Variants in PRKN observed in about 807,000 individuals in gnomAD.
The protein encoded by PRKN is parkin RBR E3 ubiquitin protein ligase.
In PRKN, 56 loss-of-function variants were observed where a neutral mutation model predicts 59.5. The ratio of observed to expected loss-of-function variants is 0.94; its 90% CI spans 0.76 to 1.18. PRKN has a LOEUF of 1.18. Ranked by LOEUF, PRKN falls within the 50% of genes most tolerant of loss-of-function variation. The pLI, the probability that PRKN is intolerant of heterozygous loss-of-function variation, is 0.00. For missense variants in PRKN, 657 were observed against 596.4 expected (o/e 1.10, Z -1.06); for synonymous variants, 250 against 222.1 (o/e 1.13, Z -1.12).
At chr6:162,155,545 T>C (rs1782476944) in intron 4 of PRKN, among the ~76,000 whole-genome samples, 2 of 152,066 alleles carry the variant, frequency 1.3e-5, no homozygotes, top group Admixed American at 1.3e-4. Flanking sequence ...GAACTAACAC[T>C]GAATTTCAGC....
intron 10 of PRKN, among the ~76,000 whole-genome samples, chr6:161,381,811 A>C (rs1460252500): frequency 1.3e-5 from 2 of 152,088 alleles, no homozygotes; most frequent in African/African-American, 4.8e-5. Context: ...ACCCTCCACT[A>C]ACAAAGCCCA....
chr6:162,616,347 T>C (rs1782415522), intron 1 of PRKN, among the ~76,000 whole-genome samples: 1 of 152,102 alleles, frequency 6.6e-6, no homozygotes. Flanking sequence ...TGGCACACAA[T>C]ATTAAGTCAA....
At chr6:162,554,841 AAC>A (rs1242848068) in intron 1 of PRKN, among the ~76,000 whole-genome samples, 6 of 152,186 alleles carry the variant, frequency 3.9e-5, no homozygotes, top group African/African-American at 1.4e-4. Context: ...CTGAGAATTT[AAC>A]AATGGGGTTT....
At chr6:162,397,672 C>T (rs758084530) in intron 2 of PRKN, among the ~76,000 whole-genome samples, 5 of 152,090 alleles carry the variant, frequency 3.3e-5, no homozygotes, top group African/African-American at 9.7e-5. Context: ...GCACTGTCAC[C>T]GCTGACATTG....
intron 1 of PRKN, among the ~76,000 whole-genome samples, chr6:162,618,825 T>G (rs1174431354): frequency 2.6e-5 from 4 of 152,184 alleles, no homozygotes; most frequent in Non-Finnish European, 5.9e-5. Flanking sequence ...ATTACATGTG[T>G]AGAGAAAAAC....
At chr6:161,925,803 A>G (rs1778948304) in intron 6 of PRKN, among the ~76,000 whole-genome samples, 1 of 152,112 alleles carries the variant, frequency 6.6e-6, no homozygotes, top group Admixed American at 6.6e-5. Flanking sequence ...CAAACAAACA[A>G]ACAACATGGA....
intron 1 of PRKN, among the ~76,000 whole-genome samples, chr6:162,700,593 G>A (rs891674115): frequency 2.6e-5 from 4 of 152,090 alleles, no homozygotes; most frequent in African/African-American, 4.8e-5. Context: ...AGAATTCAGT[G>A]ACATGATTCA....
chr6:161,839,779 C>T (rs1183861722), intron 6 of PRKN, among the ~76,000 whole-genome samples: 1 of 152,204 alleles, frequency 6.6e-6, no homozygotes, highest in East Asian at 1.9e-4. Context: ...CACTGATCTT[C>T]ACTCCTCAGG....
At chr6:162,099,250 G>A (rs943023798) in intron 4 of PRKN, among the ~76,000 whole-genome samples, 4 of 152,166 alleles carry the variant, frequency 2.6e-5, no homozygotes, top group African/African-American at 9.7e-5. Flanking sequence ...AAGACCTGGT[G>A]ACCTTGACCA....
chr6:162,535,030 GT>G (rs1191748784), intron 1 of PRKN, among the ~76,000 whole-genome samples: 1 of 151,860 alleles, frequency 6.6e-6, no homozygotes, highest in Non-Finnish European at 1.5e-5. Flanking sequence ...TCCATCCCCA[GT>G]CCTCTTCCAT....
chr6:162,093,310 T>C (rs550514287), intron 4 of PRKN, among the ~76,000 whole-genome samples: 4 of 152,348 alleles, frequency 2.6e-5, no homozygotes, highest in African/African-American at 9.6e-5. Context: ...CTGCACTTCC[T>C]CTTCCTTGCC....
At position 161,396,671 on chromosome 6, in the gene PRKN, T is replaced by C. The variant is rs1786774136; in HGVS notation, c.1084-9794A>G. On this transcript the variant is annotated intron_variant, in intron 9 of 11. Coordinates refer to ENST00000366898, the MANE Select transcript of PRKN (RefSeq NM_004562.3). The surrounding 1 kb of genome is among the most constrained non-coding windows in gnomAD (Gnocchi z 5.4). ...ATCTGCAGCAAGGCACTAGACTCTGTAGAAATGATTACGCTACGCCAGTAA... is the reference window on the plus strand; with the variant it reads ...ATCTGCAGCAAGGCACTAGACTCTGCAGAAATGATTACGCTACGCCAGTAA... Among the ~76,000 whole-genome samples the C allele has an allele frequency of 6.6e-6, 1 of 152,176 alleles. No homozygotes were observed. The highest frequency in any genetic ancestry group is 2.1e-4 in the South Asian group (1 of 4,826).
chr6:162,484,344 T>A (rs1792447545), intron 1 of PRKN, among the ~76,000 whole-genome samples: 1 of 152,032 alleles, frequency 6.6e-6, no homozygotes, highest in African/African-American at 2.4e-5. Context: ...TCAGGAATGG[T>A]GGTAGCAAAA....
rs1393711115 is a variant in PRKN at position 161,562,873 on chromosome 6, G to T, written c.933+6482C>A. On this transcript the variant is annotated intron_variant, in intron 8 of 11. Transcript: ENST00000366898. This position sits in a 1 kb window ranked among gnomAD's most constrained non-coding sequence, Gnocchi z 4.3. ...ATACTCAAAATGTAATTTGGATAAT[G>T]CTAACCCCTTGCTTAAACCTTCAAG... Among the ~76,000 whole-genome samples, 1 of 152,162 alleles carries T rather than the reference G, an allele frequency of 6.6e-6. No homozygotes were observed. The highest frequency in any genetic ancestry group is 1.5e-5 in the Non-Finnish European group (1 of 68,022).
chr6:162,425,816 G>A (rs1217547976), intron 2 of PRKN, among the ~76,000 whole-genome samples: 1 of 152,134 alleles, frequency 6.6e-6, no homozygotes, highest in Non-Finnish European at 1.5e-5. Flanking sequence ...AGGAAGAGAA[G>A]CAATATTTGA....
chr6:161,575,469 C>T lies in PRKN; in HGVS notation c.872-6053G>A, dbSNP rs981484686. ...AGCCATAATGTTTTCAGAAAGCTTT[C>T]GGTGAATTTCCTCAACAATCATGCT... is the stretch of plus-strand genomic sequence containing the variant. On this transcript the variant is annotated intron_variant, in intron 7 of 11. Transcript: ENST00000366898. The surrounding 1 kb of genome is among the most constrained non-coding windows in gnomAD (Gnocchi z 4.6). Among the ~76,000 whole-genome samples, 1 of 152,154 alleles carries T rather than the reference C, an allele frequency of 6.6e-6. No individual in the cohort carries two copies. Among genetic ancestry groups the T allele is most frequent in the Non-Finnish European group, 1.5e-5 (1 of 68,026 alleles).
At chr6:162,069,082 T>TA (rs1459398624) in intron 4 of PRKN, among the ~76,000 whole-genome samples, 1 of 152,152 alleles carries the variant, frequency 6.6e-6, no homozygotes, top group East Asian at 1.9e-4. Flanking sequence ...TGGGAGATGA[T>TA]ATGGTTTGGC....
chr6:161,628,314 G>A (rs1783169905), intron 7 of PRKN, among the ~76,000 whole-genome samples: 1 of 152,192 alleles, frequency 6.6e-6, no homozygotes, highest in Non-Finnish European at 1.5e-5. Context: ...TCCAAGTCTG[G>A]AGGTTGCAAG....
In PRKN at chr6:161,491,341, C is replaced by T. The variant is rs572747885; in HGVS notation, c.1083+57513G>A. Among the ~76,000 whole-genome samples the T allele has an allele frequency of 1.2e-4, 19 of 152,218 alleles. No homozygotes were observed. In the South Asian group the frequency reaches 3.7e-3, roughly 30 times the overall value. On this transcript the variant is annotated intron_variant, in intron 9 of 11. Coordinates refer to ENST00000366898, the MANE Select transcript of PRKN (RefSeq NM_004562.3). The stretch of plus-strand genomic sequence containing the variant: ...ATTGCTCTGTGAACCACACAGGGAG[C>T]GTGAGAGGGCGTTGATGGGGTTTGT...
Sources: gnomAD v4.1 joint callset for allele counts (sites outside exome capture counted in the v4.1 genomes callset) on GRCh38, gnomAD v4.1.1 for gene constraint, Gnocchi (gnomAD v3.1) non-coding constraint, MANE v1.5 for transcripts, NCBI Gene and HGNC (gene_info 2026-07-23, HGNC 2026-07-21) for gene names.